SS18L1: variants seen among roughly 807,000 people sequenced by gnomAD.
SS18L1 encodes SS18L1 subunit of BAF chromatin remodeling complex.
SS18L1 carries 32 observed loss-of-function variants against 70.3 expected under a neutral mutation model. The ratio of observed to expected loss-of-function variants is 0.46; its 90% CI spans 0.34 to 0.61. SS18L1 has a LOEUF of 0.61. SS18L1 is among the 20% of genes least tolerant of loss of function. The probability of loss-of-function intolerance (pLI) is 0.01; values close to 1 mark genes in which losing one functional copy is unlikely to be tolerated. For synonymous variants in SS18L1, 237 were observed against 229.7 expected (o/e 1.03, Z -0.29); for missense variants, 430 against 542.1 (o/e 0.79, Z 2.05).
At chr20:62,150,871 G>A (rs1292544446) in intron 1 of SS18L1, among the ~76,000 whole-genome samples, 1 of 152,018 alleles carries the variant, frequency 6.6e-6, no homozygotes, top group African/African-American at 2.4e-5. Context: ...GAGTCGGGAG[G>A]GGAGTGCACA....
chr20:62,147,460 C>T (rs1386537327), intron 1 of SS18L1, among the ~76,000 whole-genome samples: 1 of 152,196 alleles, frequency 6.6e-6, no homozygotes, highest in African/African-American at 2.4e-5. Flanking sequence ...CTGCAGTGGT[C>T]ACCTCGGACC....
intron 1 of SS18L1, among the ~76,000 whole-genome samples, chr20:62,149,176 G>A (rs1395773413): frequency 2.0e-5 from 3 of 152,248 alleles, no homozygotes; most frequent in Non-Finnish European, 4.4e-5. Context: ...AGTGGATGCA[G>A]GAATAAACAG....
intron 7 of SS18L1, among the ~76,000 whole-genome samples, chr20:62,164,506 C>T (rs1040716020): frequency 4.6e-5 from 7 of 152,236 alleles, no homozygotes; most frequent in African/African-American, 1.4e-4. Context: ...CGCGGCCTTG[C>T]CTCTACTTCC....
intron 10 of SS18L1, among the ~76,000 whole-genome samples, chr20:62,177,143 G>A (rs552604967): frequency 1.2e-3 from 190 of 152,318 alleles, no homozygotes; most frequent in African/African-American, 4.1e-3. Context: ...GTGCTGAGGC[G>A]GCCAGGCGCT....
intron 8 of SS18L1, among the ~76,000 whole-genome samples, chr20:62,166,022 G>A (rs901544427): frequency 1.3e-5 from 2 of 152,222 alleles, no homozygotes; most frequent in South Asian, 2.1e-4. Context: ...TGGCGGTCCT[G>A]GGCAGTGCTG....
Position 62,158,771 on chromosome 20 carries a change from A to C in SS18L1, c.146+23A>C. 2 of 1,612,982 alleles carry C rather than the reference A, an allele frequency of 1.2e-6. No homozygotes were observed. The highest frequency in any genetic ancestry group is 1.7e-6 in the Non-Finnish European group (2 of 1,179,994). On this transcript the variant is annotated intron_variant, in intron 2 of 10. Transcript: ENST00000331758. The surrounding 1 kb of genome is among the most constrained non-coding windows in gnomAD (Gnocchi z 4.5). The stretch of plus-strand genomic sequence containing the variant: ...GCAGTGAGTGCCCGCCATACACCGG[A>C]ACACTTGGAGGGTGTCATGCAGAGT...
chr20:62,165,158 G>C (rs1030262965), intron 7 of SS18L1, among the ~76,000 whole-genome samples: 14 of 152,248 alleles, frequency 9.2e-5, no homozygotes, highest in Non-Finnish European at 1.6e-4. Context: ...ATGGCTGTGT[G>C]GCAGGCACTG....
At chr20:62,160,481 C>T (rs368239360) in intron 3 of SS18L1, among the ~76,000 whole-genome samples, 2 of 152,120 alleles carry the variant, frequency 1.3e-5, no homozygotes, top group East Asian at 1.9e-4. Flanking sequence ...CGTGCACATG[C>T]GCTGCTGTGG....
At position 62,166,945 on chromosome 20, in the gene SS18L1, A is replaced by T. The variant is rs151240495; in HGVS notation, c.916+1431A>T. Among the ~76,000 whole-genome samples the T allele has an allele frequency of 5.3e-3, 803 of 151,500 alleles. 11 individuals are homozygous for T. The highest frequency in any genetic ancestry group is 0.019 in the African/African-American group (774 of 41,250). On this transcript the variant is annotated intron_variant, in intron 8 of 10. Transcript: ENST00000331758. ...TGTCTCAAAAAAAATAAAAAGAAAT[A>T]AAAAAAAGAAATGGCCAGGCATGGT...
chr20:62,167,047 T>TTTTTTG (rs1555825425), intron 8 of SS18L1, among the ~76,000 whole-genome samples: 2 of 132,694 alleles, frequency 1.5e-5, no homozygotes, highest in African/African-American at 6.0e-5. Context: ...TGTTTGTTTT[T>TTTTTTG]TTTTTTTTTT....
intron 1 of SS18L1, among the ~76,000 whole-genome samples, chr20:62,145,849 G>A (rs1297787939): frequency 6.6e-6 from 1 of 152,202 alleles, no homozygotes; most frequent in East Asian, 1.9e-4. Flanking sequence ...TGTGAGAGGT[G>A]TATGTTCTAT....
chr20:62,172,223 A>G (rs2057544185), intron 8 of SS18L1, among the ~76,000 whole-genome samples: 1 of 151,282 alleles, frequency 6.6e-6, no homozygotes, highest in African/African-American at 2.4e-5. Context: ...GCTACTTGGG[A>G]GGCTGAAGTG....
At chr20:62,144,278 C>T (rs2056980712) in intron 1 of SS18L1, among the ~76,000 whole-genome samples, 2 of 152,076 alleles carry the variant, frequency 1.3e-5, no homozygotes, top group African/African-American at 4.8e-5. Context: ...GGGGCCGGAG[C>T]CGCGGCGAGG....
At chr20:62,162,078 G>A (rs1373592345) in intron 4 of SS18L1, among the ~76,000 whole-genome samples, 4 of 152,002 alleles carry the variant, frequency 2.6e-5, no homozygotes, top group East Asian at 1.9e-4. Context: ...AATATTAGCC[G>A]GGTGTGATGG....
At chr20:62,168,755 A>C (rs2057478363) in intron 8 of SS18L1, among the ~76,000 whole-genome samples, 5 of 152,140 alleles carry the variant, frequency 3.3e-5, no homozygotes, top group Non-Finnish European at 7.4e-5. Context: ...TCGAAGCTGT[A>C]CTTAACTATG....
Position 62,162,804 on chromosome 20 carries a change from C to T in SS18L1, c.429C>T (p.Thr143=), listed in dbSNP as rs148523929. The T allele has an allele frequency of 1.0e-4, 161 of 1,612,754 alleles. No homozygotes were observed. Among genetic ancestry groups the T allele is most frequent in the Middle Eastern group, 1.6e-4 (1 of 6,084 alleles). ...CGGCGCCTAACACGCTGCCCACCAC[C>T]TCCATGAGCATCTCTGGGCCCGGCT... ...QQTAPNTLPT[T]SMSISGPGYS... Residue 143 remains threonine, a synonymous_variant, in exon 5 of 11, where the codon ACC becomes ACT. Transcript: ENST00000331758.
chr20:62,155,260 C>G (rs1344592872), intron 1 of SS18L1, among the ~76,000 whole-genome samples: 3 of 151,890 alleles, frequency 2.0e-5, no homozygotes, highest in African/African-American at 7.3e-5. Flanking sequence ...CAAAAAAAAC[C>G]CATTTAGCCA....
intron 6 of SS18L1, among the ~76,000 whole-genome samples, chr20:62,163,854 G>A (rs1307760999): frequency 6.6e-6 from 1 of 152,086 alleles, no homozygotes; most frequent in Non-Finnish European, 1.5e-5. Context: ...GGCAGGGGCG[G>A]CAGTTGTCAT....
At chr20:62,156,942 G>A (rs939106603) in intron 1 of SS18L1, among the ~76,000 whole-genome samples, 1 of 152,208 alleles carries the variant, frequency 6.6e-6, no homozygotes, top group Admixed American at 6.5e-5. Flanking sequence ...GCCTTTTTAT[G>A]AAAAGCAGCA....
Sources: allele counts gnomAD v4.1 joint callset (sites outside exome capture counted in the v4.1 genomes callset), GRCh38; gene constraint gnomAD v4.1.1; non-coding constraint Gnocchi (gnomAD v3.1); transcripts MANE v1.5; gene names NCBI Gene and HGNC (gene_info 2026-07-23, HGNC 2026-07-21).